CDH13: variants seen among roughly 807,000 people sequenced by gnomAD.
CDH13 encodes the protein cadherin-13.
A neutral mutation model predicts 63.8 loss-of-function variants in CDH13; 24 were observed. The observed-to-expected ratio is 0.38, with a 90% CI of 0.27 to 0.53. CDH13 has a LOEUF of 0.53. Among genes scored for constraint, CDH13 ranks in the 20% least tolerant of loss-of-function variants. The probability of loss-of-function intolerance (pLI) is 0.85; values close to 1 mark genes in which losing one functional copy is unlikely to be tolerated. For missense variants in CDH13, 1,049 were observed against 903.1 expected (o/e 1.16, Z -2.07); for synonymous variants, 503 against 355.3 (o/e 1.42, Z -4.67).
intron 11 of CDH13, among the ~76,000 whole-genome samples, chr16:83,759,950 A>G (rs1024927352): frequency 1.8e-4 from 26 of 146,440 alleles, no homozygotes; most frequent in Admixed American, 8.2e-4. Context: ...AAAAAAAAAA[A>G]AAAGAAAGAA....
intron 5 of CDH13, among the ~76,000 whole-genome samples, chr16:83,318,588 G>T (rs1398793964): frequency 6.6e-6 from 1 of 152,172 alleles, no homozygotes; most frequent in Non-Finnish European, 1.5e-5. Context: ...ATCTAGAAAG[G>T]AATCTCTGTG....
chr16:82,734,552 G>T (rs181166976), intron 1 of CDH13, among the ~76,000 whole-genome samples: 1 of 152,158 alleles, frequency 6.6e-6, no homozygotes. Flanking sequence ...GAGGACTCTC[G>T]CTCTTTGTGA....
intron 1 of CDH13, among the ~76,000 whole-genome samples, chr16:82,734,880 G>A (rs558062979): frequency 7.6e-4 from 115 of 152,290 alleles, no homozygotes; most frequent in African/African-American, 2.4e-3. Context: ...CCTGCTGACC[G>A]CACTCCCAGC....
intron 1 of CDH13, among the ~76,000 whole-genome samples, chr16:82,677,514 C>A (rs1387100609): frequency 6.8e-6 from 1 of 147,720 alleles, no homozygotes; most frequent in East Asian, 2.1e-4. Context: ...TGCTGAACAC[C>A]TTTGAAGTAA....
At chr16:83,449,343 G>C (rs1211499947) in intron 6 of CDH13, among the ~76,000 whole-genome samples, 8 of 152,220 alleles carry the variant, frequency 5.3e-5, no homozygotes, top group African/African-American at 1.9e-4. Context: ...GAAAACAACT[G>C]ATAAACAGGG....
chr16:82,888,573 T>A (rs535612955), intron 2 of CDH13, among the ~76,000 whole-genome samples: 156 of 152,312 alleles, frequency 1.0e-3, no homozygotes, highest in Non-Finnish European at 1.6e-3. Flanking sequence ...CTCCAGGAAC[T>A]GTTCTCAGCC....
At chr16:82,665,452 C>T (rs1472072029) in intron 1 of CDH13, among the ~76,000 whole-genome samples, 1 of 152,168 alleles carries the variant, frequency 6.6e-6, no homozygotes, top group African/African-American at 2.4e-5. Flanking sequence ...AGGAACCTAA[C>T]CCTGCATTTC....
intron 5 of CDH13, among the ~76,000 whole-genome samples, chr16:83,234,163 C>T (rs777715189): frequency 9.2e-5 from 14 of 152,354 alleles, no homozygotes; most frequent in Non-Finnish European, 1.5e-4. Context: ...CAGTGTGTGG[C>T]AACACTGGTG....
At chr16:83,606,082 A>G (rs1908304031) in intron 8 of CDH13, among the ~76,000 whole-genome samples, 1 of 152,194 alleles carries the variant, frequency 6.6e-6, no homozygotes, top group Non-Finnish European at 1.5e-5. Context: ...GAGAGGAAAG[A>G]TGGGGCTTAT....
At chr16:82,677,610 C>A (rs549631840) in intron 1 of CDH13, among the ~76,000 whole-genome samples, 1 of 152,270 alleles carries the variant, frequency 6.6e-6, no homozygotes, top group African/African-American at 2.4e-5. Context: ...AGAGCTCATT[C>A]TAACTTAAGG....
chr16:83,482,208 G>C (rs1288969097), intron 6 of CDH13, among the ~76,000 whole-genome samples: 1 of 152,222 alleles, frequency 6.6e-6, no homozygotes, highest in Admixed American at 6.5e-5. Flanking sequence ...TGAATGGCAA[G>C]AAGCCAATTC....
At chr16:83,308,895 A>G (rs2089938836) in intron 5 of CDH13, among the ~76,000 whole-genome samples, 1 of 152,242 alleles carries the variant, frequency 6.6e-6, no homozygotes, top group Non-Finnish European at 1.5e-5. Flanking sequence ...CAACTAGAAG[A>G]GAGTAGGGGA....
chr16:83,311,402 A>T (rs1405131035), intron 5 of CDH13, among the ~76,000 whole-genome samples: 1 of 152,222 alleles, frequency 6.6e-6, no homozygotes, highest in African/African-American at 2.4e-5. Flanking sequence ...TATGTAATGT[A>T]GAGAAAATAC....
intron 5 of CDH13, among the ~76,000 whole-genome samples, chr16:83,255,142 C>G (rs1012588061): frequency 1.3e-5 from 2 of 152,086 alleles, no homozygotes; most frequent in Non-Finnish European, 2.9e-5. Flanking sequence ...AAAATACTGA[C>G]TCTAGAATAA....
chr16:82,810,883 A>T (rs931375154), intron 1 of CDH13, among the ~76,000 whole-genome samples: 1 of 151,776 alleles, frequency 6.6e-6, no homozygotes, highest in Admixed American at 6.6e-5. Context: ...GTCAGGGGGA[A>T]ATGGGGGGAG....
At chr16:83,451,226 G>A (rs927667829) in intron 6 of CDH13, among the ~76,000 whole-genome samples, 2 of 152,204 alleles carry the variant, frequency 1.3e-5, no homozygotes, top group Admixed American at 6.5e-5. Flanking sequence ...ATGACTCACA[G>A]TTCCACATGG....
At chr16:83,210,786 T>C (rs1040540746) in intron 4 of CDH13, among the ~76,000 whole-genome samples, 4 of 151,014 alleles carry the variant, frequency 2.6e-5, no homozygotes, top group Admixed American at 6.6e-5. Flanking sequence ...TACCAAAATA[T>C]ACAACGAAAC....
At chr16:82,795,502 C>A (rs1299244344) in intron 1 of CDH13, among the ~76,000 whole-genome samples, 1 of 152,168 alleles carries the variant, frequency 6.6e-6, no homozygotes, top group African/African-American at 2.4e-5. Context: ...CGTTACCATG[C>A]CCTGGCCACC....
intron 3 of CDH13, among the ~76,000 whole-genome samples, chr16:83,088,799 A>G (rs775999881): frequency 3.7e-4 from 57 of 152,202 alleles, no homozygotes; most frequent in African/African-American, 1.2e-3. Flanking sequence ...TTTTGCCAGC[A>G]TTTAGAAGCT....
Sources: allele counts gnomAD v4.1 joint callset (sites outside exome capture counted in the v4.1 genomes callset), GRCh38; gene constraint gnomAD v4.1.1; transcripts MANE v1.5; gene names NCBI Gene and HGNC (gene_info 2026-07-23, HGNC 2026-07-21).